DCST1: variants seen among roughly 807,000 people sequenced by gnomAD.
DCST1 encodes E3 ubiquitin-protein ligase DCST1.
A neutral mutation model predicts 89.1 loss-of-function variants in DCST1; 78 were observed. That is an observed-to-expected ratio of 0.88 (90% CI 0.73 to 1.06). The LOEUF (loss-of-function observed/expected upper bound fraction) is 1.06, where lower values mean the gene tolerates loss of function less well. Among genes scored for constraint, DCST1 ranks in the 50% least tolerant of loss-of-function variants. DCST1 has a pLI of 0.00. For synonymous variants in DCST1, 364 were observed against 371.9 expected, an observed-to-expected ratio of 0.98 and a Z score of 0.24; for missense variants, 900 against 928.6, an observed-to-expected ratio of 0.97 and a Z score of 0.40.
Position 155,040,639 on chromosome 1 carries a change from C to T in DCST1, c.531+15C>T. 2 of 1,553,406 alleles carry T rather than the reference C, an allele frequency of 1.3e-6. No homozygotes were observed. The highest frequency in any genetic ancestry group is 2.4e-5 in the East Asian group (1 of 42,042). ...AGGACCTGCTGGTCAGGAATCTGCA[C>T]AGGCAGAGCCTGGGGGGTCCCTCTC... On this transcript the variant is annotated intron_variant, in intron 6 of 16. Coordinates refer to ENST00000295542, the MANE Select transcript of DCST1 (RefSeq NM_152494.4).
Position 155,042,773 on chromosome 1 carries a change from G to A in DCST1, c.931G>A (p.Gly311Ser). 1 of 1,614,210 alleles carries A rather than the reference G, an allele frequency of 6.2e-7. No individual in the cohort carries two copies. Among genetic ancestry groups the A allele is most frequent in the Non-Finnish European group, 8.5e-7 (1 of 1,180,034 alleles). ...VWCRNRIPVE[G>S]NFGQTYDSLN... is the part of the protein sequence containing the mutation. ...GTGCCGCAATCGCATCCCAGTGGAA[G>A]GCAACTTTGGGCAGACCTACGACTC... is the stretch of plus-strand genomic sequence containing the variant. The change falls in exon 9 of 17, where the codon GGC becomes AGC. Residue 311 changes from glycine to serine, a missense_variant. Transcript: ENST00000295542.
intron 6 of DCST1, 60 bp downstream of exon 6, chr1:155,040,684 G>T: frequency 6.7e-7 from 1 of 1,494,232 alleles, no homozygotes; most frequent in South Asian, 1.3e-5. Flanking sequence ...AAGTTAACTT[G>T]AGCTGGGAGT....
rs1159670626 is a variant in DCST1, at chr1:155,034,420, C to T, written c.62-15C>T. On this transcript the variant is annotated splice_polypyrimidine_tract_variant and intron_variant, in intron 2 of 16. Coordinates refer to ENST00000295542, the MANE Select transcript of DCST1 (RefSeq NM_152494.4). Reference sequence around the variant, plus strand: ...CAGAAGAGTGGGCTGTTGAGCTACCCTGTCCCCCTCTTAGCGGTGCAGAGG... The same window carrying T: ...CAGAAGAGTGGGCTGTTGAGCTACCTTGTCCCCCTCTTAGCGGTGCAGAGG... The T allele has an allele frequency of 1.2e-6, 2 of 1,613,884 alleles. No individual in the cohort carries two copies. Among genetic ancestry groups the T allele is most frequent in the African/African-American group, 2.7e-5 (2 of 74,934 alleles).
chr1:155,041,026 G>A (rs1232916672), intron 6 of DCST1, among the ~76,000 whole-genome samples: 2 of 152,140 alleles, frequency 1.3e-5, no homozygotes, highest in African/African-American at 4.8e-5. Context: ...TGGGGGCTGA[G>A]GGGTTTGGAA....
chr1:155,036,973 G>C (rs1660296664), intron 4 of DCST1, among the ~76,000 whole-genome samples: 1 of 152,252 alleles, frequency 6.6e-6, no homozygotes, highest in Non-Finnish European at 1.5e-5. Context: ...TATTGCCCAG[G>C]CAGGTCTCAA....
chr1:155,041,227 C>T (rs1443464197), intron 6 of DCST1, among the ~76,000 whole-genome samples, 170 bp from the exon 7 acceptor site: 1 of 152,102 alleles, frequency 6.6e-6, no homozygotes, highest in Non-Finnish European at 1.5e-5. Flanking sequence ...CTCCCAAGGG[C>T]AATGGACAGC....
rs775219783 is a variant in DCST1 at position 155,046,444 on chromosome 1, G to C, written c.1453G>C (p.Asp485His). ...GGACTGGGCTCTCTACTCCATCTTC[G>C]ACACCATCCGCCACCACTCCTTCCT... ...GLDWALYSIF[D>H]TIRHHSFLQY... Residue 485 changes from aspartate to histidine, a missense_variant, in exon 13 of 17, where the codon GAC becomes CAC. Asp to His is a moderately conservative substitution (Grantham distance 81). Coordinates refer to ENST00000295542, the MANE Select transcript of DCST1 (RefSeq NM_152494.4). 68 of 1,613,614 alleles carry C rather than the reference G, an allele frequency of 4.2e-5. No homozygotes were observed. Among genetic ancestry groups the C allele is most frequent in the Non-Finnish European group, 5.5e-5 (65 of 1,179,976 alleles).
Position 155,033,855 on chromosome 1 carries a change from G to A in DCST1, c.-66+1G>A. ...GTTCCGAGGACTGGAGAGGGGATAGGTAGGTCTCTAATCTCCTTCCCCACT... is the reference window on the plus strand; with the variant it reads ...GTTCCGAGGACTGGAGAGGGGATAGATAGGTCTCTAATCTCCTTCCCCACT... On this transcript the variant is annotated splice_donor_variant, in intron 1 of 16. Transcript: ENST00000295542. LOFTEE classifies it low-confidence loss of function (5UTR_SPLICE). The A allele has an allele frequency of 7.7e-7, 1 of 1,303,080 alleles. No homozygotes were observed. The highest frequency in any genetic ancestry group is 1.1e-6 in the Non-Finnish European group (1 of 948,746). 80.7% of individuals were successfully genotyped at this position (1,303,080 alleles called of 1,614,324 possible).
rs753325475 is a variant in DCST1, at chr1:155,048,069, C to T, written c.1768C>T (p.Arg590Trp). 11 of 1,613,950 alleles carry T rather than the reference C, an allele frequency of 6.8e-6. No individual in the cohort carries two copies. The highest frequency in any genetic ancestry group is 1.6e-4 in the Middle Eastern group (1 of 6,062). ...AFYFPKREKK[R>W]ILFLYNDLLK... ...TTCCTGCCCCCAGCGAGAGAAGAAG[C>T]GGATCCTGTTCCTCTACAATGACCT... Residue 590 changes from arginine (R) to tryptophan (W), a missense_variant, in exon 16 of 17, where the codon CGG (arginine) becomes TGG (tryptophan). Transcript: ENST00000295542.
At chr1:155,044,170 C>T (rs1244780426) in intron 10 of DCST1, among the ~76,000 whole-genome samples, 2 of 152,318 alleles carry the variant, frequency 1.3e-5, no homozygotes, top group East Asian at 1.9e-4. Context: ...GATGAAGGAG[C>T]TCTATTCCTG....
chr1:155,045,931 G>T lies in DCST1; in HGVS notation c.1211G>T (p.Arg404Leu), dbSNP rs758217274. ...SYMDSYNHDI[R>L]FDNIYISTYF... ...ATGGACAGCTATAACCATGACATTCGTTTTGACAACATCTACATCAGTACC... is the reference window on the plus strand; with the variant it reads ...ATGGACAGCTATAACCATGACATTCTTTTTGACAACATCTACATCAGTACC... The change falls in exon 11 of 17, where the codon CGT becomes CTT. Residue 404 changes from arginine to leucine, a missense_variant. Physicochemically the swap from Arg to Leu is moderately radical, Grantham distance 102 (BLOSUM62 -2). Coordinates refer to ENST00000295542, the MANE Select transcript of DCST1 (RefSeq NM_152494.4). 3 of 1,614,234 alleles carry T rather than the reference G, an allele frequency of 1.9e-6. No individual in the cohort carries two copies. The highest frequency in any genetic ancestry group is 3.3e-5 in the Admixed American group (2 of 60,038).
rs749910767 is a variant in DCST1, at chr1:155,041,749, T to C, written c.784T>C (p.Trp262Arg). ...CCAGGCCATACTCAGCTGCCGTCGT[T>C]GGTTTGACCGCAAGCATGAACAGTG... ...VNQAILSCRR[W>R]FDRKHEQCMK... The change falls in exon 8 of 17, where the codon TGG becomes CGG. Residue 262 changes from tryptophan to arginine, a missense_variant. Physicochemically the swap from Trp to Arg is moderately radical, Grantham distance 101 (BLOSUM62 -3). Transcript: ENST00000295542. 6.2e-7 allele frequency: 1 copy of C among 1,614,260 alleles called. No individual in the cohort carries two copies. Among genetic ancestry groups the C allele is most frequent in the East Asian group, 2.2e-5 (1 of 44,882 alleles).
intron 5 of DCST1, 77 bp downstream of exon 5, chr1:155,039,608 G>A: frequency 2.1e-6 from 3 of 1,453,258 alleles, no homozygotes; most frequent in Non-Finnish European, 2.7e-6. Flanking sequence ...CAGGCCGGGT[G>A]AAGGAGAAAA....
chr1:155,048,246 G>C, intron 16 of DCST1, 76 bp downstream of exon 16: 1 of 1,205,142 alleles, frequency 8.3e-7, no homozygotes, highest in Non-Finnish European at 1.2e-6. Context: ...GCTCCCTTCA[G>C]TCCACCCAGC....
At chr1:155,048,989 C>G (rs760148167) in intron 16 of DCST1, 5 of 716,680 alleles carry the variant, frequency 7.0e-6, no homozygotes, top group Non-Finnish European at 1.3e-5. Flanking sequence ...GTCACCTTGG[C>G]CAAGGTCTTC....
intron 8 of DCST1, among the ~76,000 whole-genome samples, chr1:155,042,288 G>A (rs1203498390): frequency 1.3e-5 from 2 of 152,020 alleles, no homozygotes; most frequent in Admixed American, 6.6e-5. Flanking sequence ...TAGTAGAGAC[G>A]GGGTTTCACC....
chr1:155,047,627 C>T (rs1039663545), intron 14 of DCST1, among the ~76,000 whole-genome samples, 160 bp from the exon 15 acceptor site: 10 of 152,324 alleles, frequency 6.6e-5, no homozygotes, highest in African/African-American at 9.6e-5. Flanking sequence ...TTGGGCCCAG[C>T]GGCTACAGTA....
intron 10 of DCST1, among the ~76,000 whole-genome samples, chr1:155,044,503 A>AT (rs1660544253): frequency 6.6e-6 from 1 of 150,934 alleles, no homozygotes; most frequent in Non-Finnish European, 1.5e-5. Context: ...AAAAAAAAAA[A>AT]GCTAATGATC....
At chr1:155,043,551 G>A (rs773334284) in intron 10 of DCST1, 42 bp downstream of exon 10, 23 of 1,531,434 alleles carry the variant, frequency 1.5e-5, no homozygotes, top group African/African-American at 5.5e-5. Flanking sequence ...CCTCTGCCCC[G>A]GACTGGAGCC....
Sources: gnomAD v4.1 joint callset for allele counts (sites outside exome capture counted in the v4.1 genomes callset) on GRCh38, gnomAD v4.1.1 for gene constraint, MANE v1.5 for transcripts, NCBI Gene and HGNC (gene_info 2026-07-23, HGNC 2026-07-21) for gene names.